Variants in SLC10A1 observed in about 807,000 individuals in gnomAD.
SLC10A1 encodes solute carrier family 10 member 1.
SLC10A1 carries 36 observed loss-of-function variants against 20.5 expected under a neutral mutation model. That is an observed-to-expected ratio of 1.75 (90% CI 1.34 to 2.32). The LOEUF is 2.32. Ranked by LOEUF, SLC10A1 falls within the 30% of genes most tolerant of loss-of-function variation. The pLI is 0.00. For missense variants in SLC10A1, 545 were observed against 439.1 expected (o/e 1.24, Z -2.16); for synonymous variants, 188 against 163.6 (o/e 1.15, Z -1.14).
chr14:69,795,055 C>G (rs1387442444), intron 1 of SLC10A1, among the ~76,000 whole-genome samples: 1 of 152,222 alleles, frequency 6.6e-6, no homozygotes, highest in Admixed American at 6.5e-5. Flanking sequence ...TCGCAGGCCC[C>G]TGACTTCTGC....
rs772062475 is a variant in SLC10A1, at chr14:69,776,284, A to AG, written c.1047dup (p.Ter350LeufsTer16). ...AATCCAGGCCACCAGGGGAAGGGCT[A>AG]GGCTGTGCAAGGGGAGCAGTCCTCC... On this transcript the variant is annotated frameshift_variant, in exon 5 of 5. Transcript: ENST00000216540. LOFTEE classifies it high-confidence loss of function. 9 of 1,611,702 alleles carry AG rather than the reference A, an allele frequency of 5.6e-6. No individual in the cohort carries two copies. The African/African-American group carries it at 1.1e-4, about 19-fold the overall frequency.
intron 1 of SLC10A1, among the ~76,000 whole-genome samples, chr14:69,793,083 G>A (rs1478664955): frequency 6.6e-6 from 1 of 152,130 alleles, no homozygotes; most frequent in East Asian, 1.9e-4. Context: ...CTTCTCTTAG[G>A]GAAAAGCCAA....
intron 2 of SLC10A1, among the ~76,000 whole-genome samples, chr14:69,783,878 G>T (rs1043735091): frequency 6.6e-6 from 1 of 152,198 alleles, no homozygotes; most frequent in Admixed American, 6.5e-5. Context: ...CATTGAGAAT[G>T]ACTTCCAGTT....
intron 1 of SLC10A1, among the ~76,000 whole-genome samples, chr14:69,796,202 G>C (rs1198024709): frequency 6.6e-6 from 1 of 152,206 alleles, no homozygotes; most frequent in Non-Finnish European, 1.5e-5. Flanking sequence ...CCTATCTGGA[G>C]TGGGTGCTGG....
Position 69,775,469 on chromosome 14 carries a change from T to C in SLC10A1, c.*813A>G, listed in dbSNP as rs1883424708. ...GAGACAATTTGAAATTTGTGAATTC[T>C]AGGTATTTGAACATTTTTCTTTGAA... On this transcript the variant is annotated 3_prime_UTR_variant, in exon 5 of 5. Coordinates refer to ENST00000216540, the MANE Select transcript of SLC10A1 (RefSeq NM_003049.4). 1 of 152,260 alleles carries C rather than the reference T, an allele frequency of 6.6e-6. No individual in the cohort carries two copies. The highest frequency in any genetic ancestry group is 6.5e-5 in the Admixed American group (1 of 15,284). The allele number at this position is 152,260 out of a possible 1,614,324, so 9.4% of individuals were successfully genotyped here.
chr14:69,786,427 T>C (rs1014831173), intron 1 of SLC10A1, 120 bp from the exon 2 acceptor site: 15 of 725,478 alleles, frequency 2.1e-5, no homozygotes, highest in Non-Finnish European at 3.4e-5. Context: ...CAGTTCCTTT[T>C]CCCCATAACA....
At chr14:69,777,588 T>G (rs1392179011) in intron 4 of SLC10A1, among the ~76,000 whole-genome samples, 45 of 93,202 alleles carry the variant, frequency 4.8e-4, no homozygotes, top group African/African-American at 2.0e-3. Flanking sequence ...GTTTTTTTTT[T>G]TTTTTTTTTT....
chr14:69,780,316 C>G (rs557359124), intron 2 of SLC10A1, among the ~76,000 whole-genome samples: 2 of 152,304 alleles, frequency 1.3e-5, no homozygotes, highest in African/African-American at 2.4e-5. Context: ...AGAATTGCGT[C>G]CTCCAAAATG....
Position 69,776,240 on chromosome 14 carries a change from A to C in SLC10A1, c.*42T>G. ...TCTCTAGTTTACCACACTGGCTTTC[A>C]GAATTGCTTTGGGACCAGAATCCAG... On this transcript the variant is annotated 3_prime_UTR_variant, in exon 5 of 5. Transcript: ENST00000216540. The C allele has an allele frequency of 1.4e-6, 2 of 1,479,088 alleles. No individual in the cohort carries two copies. The highest frequency in any genetic ancestry group is 1.9e-6 in the Non-Finnish European group (2 of 1,064,790). 91.6% of individuals were successfully genotyped at this position (1,479,088 alleles called of 1,614,324 possible).
Position 69,778,391 on chromosome 14 carries a change from T to C in SLC10A1, c.885A>G (p.Gly295=), listed in dbSNP as rs376884319. The C allele has an allele frequency of 4.8e-5, 77 of 1,613,776 alleles. No homozygotes were observed. The highest frequency in any genetic ancestry group is 2.7e-5 in the African/African-American group (2 of 74,902). ...FPLLYMIFQL[G]EGLLLIAIFW... is the part of the protein sequence containing the mutation. ...ATATGGCAATGAGGAGAAGCCCTTC[T>C]CCAAGCTGGAAAATCATGTAGAGGA... Residue 295 remains glycine (G), a synonymous_variant, in exon 4 of 5, where the codon GGA becomes GGG. Transcript: ENST00000216540.
In SLC10A1 at chr14:69,776,366, T is replaced by A. The variant is rs953103964; in HGVS notation, c.966A>T (p.Thr322=). The change falls in exon 5 of 5, where the codon ACA becomes ACT. Residue 322 remains threonine (T), a synonymous_variant. Coordinates refer to ENST00000216540, the MANE Select transcript of SLC10A1 (RefSeq NM_003049.4). ...GAATTGTTTCTTCAGTTGTGGCAGC[T>A]GTGTAGATCATTTTTGTTTTATCTG... The part of the protein sequence containing the change: ...TPKDKTKMIY[T]AATTEETIPG... 4 of 1,614,026 alleles carry A rather than the reference T, an allele frequency of 2.5e-6. No homozygotes were observed. In the African/African-American group the frequency reaches 5.3e-5, roughly 22 times the overall value.
chr14:69,781,880 A>T (rs901645756), intron 2 of SLC10A1, among the ~76,000 whole-genome samples: 4 of 152,140 alleles, frequency 2.6e-5, no homozygotes, highest in African/African-American at 9.7e-5. Context: ...AACTGGTTGA[A>T]CCCGGTGTGA....
At chr14:69,793,845 C>T (rs1331165935) in intron 1 of SLC10A1, among the ~76,000 whole-genome samples, 1 of 152,258 alleles carries the variant, frequency 6.6e-6, no homozygotes, top group Non-Finnish European at 1.5e-5. Flanking sequence ...CTCACTTCAA[C>T]TGTGAGGGCG....
At chr14:69,778,647 A>C in intron 3 of SLC10A1, 118 bp from the exon 4 acceptor site, 2 of 797,088 alleles carry the variant, frequency 2.5e-6, no homozygotes, top group Admixed American at 6.5e-5. Flanking sequence ...GGACAGGGGT[A>C]CTTTGCTATT....
At chr14:69,778,593 G>A (rs1182187554) in intron 3 of SLC10A1, 64 bp from the exon 4 acceptor site, 1 of 1,391,864 alleles carries the variant, frequency 7.2e-7, no homozygotes, top group African/African-American at 1.4e-5. Context: ...CTTTGTCCCA[G>A]TGCTGCTACC....
chr14:69,779,053 T>TG (rs530407132), intron 3 of SLC10A1, 129 bp downstream of exon 3: 8 of 656,600 alleles, frequency 1.2e-5, no homozygotes, highest in East Asian at 2.8e-5. Flanking sequence ...CCCAGTTACT[T>TG]GGGGGGCTGA....
chr14:69,785,596 T>C lies in SLC10A1; in HGVS notation c.567+501A>G, dbSNP rs549954189. 2.7e-3 allele frequency among the ~76,000 whole-genome samples: 412 copies of C among 151,156 alleles called. 4 individuals are homozygous for C. Among genetic ancestry groups the C allele is most frequent in the African/African-American group, 7.2e-3 (295 of 41,258 alleles). ...TACTTCATTTTCTTTCTTTTCTTTT[T>C]TTTTTTTTTTTCGTTTTAGAGATGG... On this transcript the variant is annotated intron_variant, in intron 2 of 4. Coordinates refer to ENST00000216540, the MANE Select transcript of SLC10A1 (RefSeq NM_003049.4).
At chr14:69,788,263 T>C (rs779133261) in intron 1 of SLC10A1, among the ~76,000 whole-genome samples, 5 of 151,928 alleles carry the variant, frequency 3.3e-5, no homozygotes, top group Non-Finnish European at 7.4e-5. Flanking sequence ...TCTAATTATA[T>C]CATCAAATAT....
intron 3 of SLC10A1, among the ~76,000 whole-genome samples, chr14:69,778,817 G>A (rs1284997161): frequency 1.3e-5 from 2 of 152,022 alleles, no homozygotes; most frequent in South Asian, 2.1e-4. Flanking sequence ...CTTCTTATTC[G>A]TTTCCTGAAA....
Sources: gnomAD v4.1 joint callset for allele counts (sites outside exome capture counted in the v4.1 genomes callset) on GRCh38, gnomAD v4.1.1 for gene constraint, MANE v1.5 for transcripts, NCBI Gene and HGNC (gene_info 2026-07-23, HGNC 2026-07-21) for gene names.